Variants in SYNJ2 observed in about 807,000 individuals in gnomAD.
The protein encoded by SYNJ2 is synaptojanin 2, also known as polyphosphatidylinositol phosphatase SYNJ2.
SYNJ2 carries 116 observed loss-of-function variants against 141.3 expected under a neutral mutation model. The ratio of observed to expected loss-of-function variants is 0.82; its 90% CI spans 0.71 to 0.96. SYNJ2 has a LOEUF of 0.96. Among genes scored for constraint, SYNJ2 ranks in the 40% least tolerant of loss-of-function variants. The pLI is 0.00. For missense variants in SYNJ2, 1,873 were observed against 1,934.8 expected (o/e 0.97, Z 0.60); for synonymous variants, 745 against 777.7 (o/e 0.96, Z 0.70).
At chr6:158,091,205 T>C (rs1196850491) in intron 25 of SYNJ2, among the ~76,000 whole-genome samples, 1 of 151,660 alleles carries the variant, frequency 6.6e-6, no homozygotes, top group Non-Finnish European at 1.5e-5. Context: ...TAGTCCCAGC[T>C]ACTCAGGAGG....
At chr6:158,064,461 A>G in intron 9 of SYNJ2, 140 bp from the exon 10 acceptor site, 1 of 1,047,816 alleles carries the variant, frequency 9.5e-7, no homozygotes, top group Non-Finnish European at 1.4e-6. Flanking sequence ...TGCTGTGGGA[A>G]CTCCTCATCC....
chr6:158,077,967 A>G, intron 17 of SYNJ2, 197 bp from the exon 18 acceptor site: 1 of 496,014 alleles, frequency 2.0e-6, no homozygotes, highest in African/African-American at 1.9e-5. Flanking sequence ...GTTTTGAATA[A>G]TTATATGCGA....
intron 8 of SYNJ2, 157 bp downstream of exon 8, chr6:158,062,321 C>A: frequency 2.4e-6 from 2 of 835,022 alleles, no homozygotes; most frequent in Non-Finnish European, 1.4e-6. Flanking sequence ...CCTTCCCTCC[C>A]CACTCAGTTA....
At chr6:158,045,399 C>T (rs966029999) in intron 5 of SYNJ2, among the ~76,000 whole-genome samples, 4 of 152,244 alleles carry the variant, frequency 2.6e-5, no homozygotes, top group South Asian at 4.1e-4. Flanking sequence ...CGTGAGCCAC[C>T]GCACCTAGCC....
intron 26 of SYNJ2, chr6:158,093,885 C>G (rs745753673): frequency 3.9e-6 from 3 of 764,822 alleles, no homozygotes; most frequent in Non-Finnish European, 7.2e-6. Flanking sequence ...ACTTTTCTTG[C>G]AGATTGTTTT....
chr6:157,987,784 T>C (rs543782859), intron 1 of SYNJ2, among the ~76,000 whole-genome samples: 76 of 152,350 alleles, frequency 5.0e-4, no homozygotes, highest in African/African-American at 1.8e-3. Flanking sequence ...ATAGTTACCA[T>C]GCTATGCAAG....
rs964254025 is a variant in SYNJ2 at position 158,057,925 on chromosome 6, G to A, written c.858-1332G>A. ...GAGCTGCACGTGGAGACGGGAGCCCGGGAGGGTGCTCACCCTTAACTTAGG... is the reference window on the plus strand; with the variant it reads ...GAGCTGCACGTGGAGACGGGAGCCCAGGAGGGTGCTCACCCTTAACTTAGG... On this transcript the variant is annotated intron_variant, in intron 6 of 26. Coordinates refer to ENST00000355585, the MANE Select transcript of SYNJ2 (RefSeq NM_003898.4). 3.0e-4 allele frequency among the ~76,000 whole-genome samples: 45 copies of A among 152,364 alleles called. 1 individual carries two copies. The highest frequency in any genetic ancestry group is 9.9e-4 in the African/African-American group (41 of 41,590).
rs2128405835 is a variant in SYNJ2 at position 158,097,666 on chromosome 6, A to G, written c.*1302A>G. The G allele has an allele frequency of 6.6e-6, 1 of 152,310 alleles. No individual in the cohort carries two copies. The allele number at this position is 152,310 out of a possible 1,614,324, so 9.4% of individuals were successfully genotyped here. ...CCTAAAAGCTGACTGCTAGGATAGT[A>G]AGGATCATCTTGCCTGGGCTATGCC... On this transcript the variant is annotated 3_prime_UTR_variant, in exon 27 of 27. Transcript: ENST00000355585.
chr6:158,075,093 G>A (rs1782192903), intron 16 of SYNJ2, among the ~76,000 whole-genome samples: 1 of 151,856 alleles, frequency 6.6e-6, no homozygotes, highest in African/African-American at 2.4e-5. Context: ...CGCCACACCT[G>A]GCTAATTTTT....
In SYNJ2 at chr6:158,045,099, CTTTTTTTTTT is replaced by C. The variant is rs761042284; in HGVS notation, c.795+1717_795+1726del. Among the ~76,000 whole-genome samples, 12 of 112,284 alleles carry C rather than the reference CTTTTTTTTTT, an allele frequency of 1.1e-4. No homozygotes were observed. In the South Asian group the frequency reaches 1.8e-3, roughly 17 times the overall value. 73.7% of individuals were successfully genotyped at this position (112,284 alleles called of 152,430 possible). A position where few individuals can be genotyped will look rare whatever the true frequency, so the allele number is the denominator to read the frequency against. ...TCTGACTCTCAGTTCAGGGGTCCTC[CTTTTTTTTTT>C]TTTTTTTTTTTTTTTTGAGATGGAG... On this transcript the variant is annotated intron_variant, in intron 5 of 26. Coordinates refer to ENST00000355585, the MANE Select transcript of SYNJ2 (RefSeq NM_003898.4).
intron 17 of SYNJ2, 144 bp from the exon 18 acceptor site, chr6:158,078,020 C>T: frequency 1.6e-6 from 1 of 632,328 alleles, no homozygotes; most frequent in East Asian, 2.6e-5. Flanking sequence ...CGAAGCCTGG[C>T]TTCAAGGTGG....
In SYNJ2 at chr6:158,081,873, C is replaced by T. The variant is rs546948082; in HGVS notation, c.2865+363C>T. Reference sequence around the variant, plus strand: ...GGACAGTTATGGCTCACTATAACCTCAGCCTCCTGGGCTCCAGTCATCCTC... The same window carrying T: ...GGACAGTTATGGCTCACTATAACCTTAGCCTCCTGGGCTCCAGTCATCCTC... On this transcript the variant is annotated intron_variant, in intron 20 of 26. Transcript: ENST00000355585. 8.5e-5 allele frequency among the ~76,000 whole-genome samples: 13 copies of T among 152,200 alleles called. No homozygotes were observed. In the South Asian group the frequency reaches 2.7e-3, roughly 32 times the overall value.
In SYNJ2 at chr6:158,074,744, T is replaced by C. The variant is rs1461809880; in HGVS notation, c.2292+6T>C. On this transcript the variant is annotated splice_donor_region_variant and intron_variant, in intron 16 of 26. Transcript: ENST00000355585. ...TACAGAAATCAAGTGGAAAAGTAAG[T>C]TGTGCTTTAAAAACATTTTTTAGCA... is the stretch of plus-strand genomic sequence containing the variant. The C allele has an allele frequency of 1.2e-6, 2 of 1,611,502 alleles. No homozygotes were observed. The highest frequency in any genetic ancestry group is 1.7e-6 in the Non-Finnish European group (2 of 1,179,436).
chr6:157,985,549 C>T (rs1777168197), intron 1 of SYNJ2, among the ~76,000 whole-genome samples: 1 of 152,214 alleles, frequency 6.6e-6, no homozygotes, highest in African/African-American at 2.4e-5. Context: ...GGCCAACAAT[C>T]CACAATTAGC....
rs746362961 is a variant in SYNJ2, at chr6:158,033,704, G to A, written c.711+24G>A. ...AGGTGAGTGCCCAGGCCCATCTGTGGCACCAAATGGTTCCGAGTGGCTGCA... is the reference window on the plus strand; with the variant it reads ...AGGTGAGTGCCCAGGCCCATCTGTGACACCAAATGGTTCCGAGTGGCTGCA... On this transcript the variant is annotated intron_variant, in intron 4 of 26. Transcript: ENST00000355585. 7 of 1,585,924 alleles carry A rather than the reference G, an allele frequency of 4.4e-6. No homozygotes were observed. The Admixed American group carries it at 1.0e-4, about 23-fold the overall frequency.
chr6:158,077,554 T>A (rs4598107), intron 17 of SYNJ2: 83,102 of 151,246 alleles, frequency 0.55, 23,356 homozygotes, highest in African/African-American at 0.67. Context: ...AGTTAGTTTT[T>A]AAAAATCATT....
chr6:158,067,366 C>T, intron 12 of SYNJ2: 1 of 942,520 alleles, frequency 1.1e-6, no homozygotes, highest in Non-Finnish European at 1.3e-6. Flanking sequence ...CCCTGCCTCT[C>T]CCCAAACCAA....
rs560961300 is a variant in SYNJ2 at position 158,070,474 on chromosome 6, C to A, written c.1940+801C>A. 1 of 985,450 alleles carries A rather than the reference C, an allele frequency of 1.0e-6. No individual in the cohort carries two copies. Among genetic ancestry groups the A allele is most frequent in the African/African-American group, 1.7e-5 (1 of 57,324 alleles). 61.0% of individuals were successfully genotyped at this position (985,450 alleles called of 1,614,324 possible). On this transcript the variant is annotated intron_variant, in intron 14 of 26. Coordinates refer to ENST00000355585, the MANE Select transcript of SYNJ2 (RefSeq NM_003898.4). This position sits in a 1 kb window ranked among gnomAD's most constrained non-coding sequence, Gnocchi z 4.0. ...TGTCCCTCTGCTTGTGTTATTTGGGCAGCTTGGCAGTGTCCTAGGTTAGCA... is the reference window on the plus strand; with the variant it reads ...TGTCCCTCTGCTTGTGTTATTTGGGAAGCTTGGCAGTGTCCTAGGTTAGCA...
Position 158,074,665 on chromosome 6 carries a change from A to G in SYNJ2, c.2219A>G (p.Tyr740Cys), listed in dbSNP as rs977819857. 7 of 1,613,988 alleles carry G rather than the reference A, an allele frequency of 4.3e-6. No homozygotes were observed. The highest frequency in any genetic ancestry group is 5.9e-6 in the Non-Finnish European group (7 of 1,180,016). The change falls in exon 16 of 27, where the codon TAT (tyrosine) becomes TGT (cysteine). Residue 740 changes from tyrosine to cysteine, a missense_variant. By Grantham distance (194) the Tyr-to-Cys change is radical. Coordinates refer to ENST00000355585, the MANE Select transcript of SYNJ2 (RefSeq NM_003898.4). ...GATCTTACTTATGAAGAAGTCTTCT[A>G]TTTTGTTAAACGCCAAGACTGGAAG... ...RIDLTYEEVF[Y>C]FVKRQDWKKL... is the part of the protein sequence containing the mutation.
Sources: gnomAD v4.1 joint callset for allele counts (sites outside exome capture counted in the v4.1 genomes callset) on GRCh38, gnomAD v4.1.1 for gene constraint, Gnocchi (gnomAD v3.1) non-coding constraint, MANE v1.5 for transcripts, NCBI Gene and HGNC (gene_info 2026-07-23, HGNC 2026-07-21) for gene names.